The following KCNAB1 variants were observed in gnomAD, a reference collection of about 807,000 sequenced individuals.
KCNAB1 encodes potassium voltage-gated channel subfamily A regulatory beta subunit 1, also known as voltage-gated potassium channel subunit beta-1.
KCNAB1 carries 35 observed loss-of-function variants against 64.6 expected under a neutral mutation model. That is an observed-to-expected ratio of 0.54 (90% CI 0.41 to 0.72). KCNAB1 has a LOEUF of 0.72. Among genes scored for constraint, KCNAB1 ranks in the 30% least tolerant of loss-of-function variants. The pLI is 0.00. For synonymous variants in KCNAB1, 177 were observed against 183.8 expected (o/e 0.96, Z 0.30); for missense variants, 401 against 512.9 (o/e 0.78, Z 2.11).
Position 156,213,910 on chromosome 3 carries a change from C to G in KCNAB1, c.275+93024C>G, listed in dbSNP as rs529386060. Among the ~76,000 whole-genome samples, 8 of 152,242 alleles carry G rather than the reference C, an allele frequency of 5.3e-5. 1 individual carries two copies. In the South Asian group the frequency reaches 1.7e-3, roughly 32 times the overall value. On this transcript the variant is annotated intron_variant, in intron 1 of 13. Transcript: ENST00000490337. ...CTAAGCCATGATTAGAAGCTTGGGACTTTCAGGCCCATCCACTGTCTACCA... is the reference window on the plus strand; with the variant it reads ...CTAAGCCATGATTAGAAGCTTGGGAGTTTCAGGCCCATCCACTGTCTACCA...
At chr3:156,189,066 C>T (rs571643992) in intron 1 of KCNAB1, among the ~76,000 whole-genome samples, 2 of 152,308 alleles carry the variant, frequency 1.3e-5, no homozygotes, top group Middle Eastern at 6.8e-3. Context: ...TGCCCTTCTC[C>T]TGCTCTCTAA....
At position 156,284,177 on chromosome 3, in the gene KCNAB1, C is replaced by T. The variant is rs886261866; in HGVS notation, c.276-137439C>T. On this transcript the variant is annotated intron_variant, in intron 1 of 13. Transcript: ENST00000490337. The stretch of plus-strand genomic sequence containing the variant: ...GTGTCCTTTCTGTTTGTTAGTTTTC[C>T]TTCTAACAGACAGGACCCTCAGCTG... Among the ~76,000 whole-genome samples, 26 of 151,990 alleles carry T rather than the reference C, an allele frequency of 1.7e-4. 2 individuals carry two copies. The highest frequency in any genetic ancestry group is 1.4e-3 in the Admixed American group (21 of 15,276).
intron 1 of KCNAB1, among the ~76,000 whole-genome samples, chr3:156,190,620 G>A (rs984756247): frequency 6.6e-6 from 1 of 152,064 alleles, no homozygotes; most frequent in African/African-American, 2.4e-5. Context: ...CAGTAATACC[G>A]GCCCTGCTGG....
chr3:156,182,835 A>T (rs1385741297), intron 1 of KCNAB1, among the ~76,000 whole-genome samples: 1 of 150,824 alleles, frequency 6.6e-6, no homozygotes, highest in African/African-American at 2.4e-5. Flanking sequence ...AGTAGCTGGG[A>T]TTACAGGCGC....
In KCNAB1 at chr3:156,175,617, C is replaced by CA. The variant is rs1440157459; in HGVS notation, c.275+54737dup. 7.9e-5 allele frequency among the ~76,000 whole-genome samples: 12 copies of CA among 152,236 alleles called. No homozygotes were observed. In the South Asian group the frequency reaches 1.0e-3, roughly 13 times the overall value. On this transcript the variant is annotated intron_variant, in intron 1 of 13. Coordinates refer to ENST00000490337, the MANE Select transcript of KCNAB1 (RefSeq NM_172160.3). ...TGGGTGATAGAGCGAGACTCTGTCT[C>CA]AAAAAACAAAACAAAACAGTTCCTG...
At chr3:156,383,227 A>G (rs1453122601) in intron 1 of KCNAB1, among the ~76,000 whole-genome samples, 1 of 152,170 alleles carries the variant, frequency 6.6e-6, no homozygotes, top group African/African-American at 2.4e-5. Flanking sequence ...GTACATTCCC[A>G]AGGGTCAATT....
intron 1 of KCNAB1, among the ~76,000 whole-genome samples, chr3:156,301,662 C>T (rs1042111023): frequency 6.6e-6 from 1 of 152,192 alleles, no homozygotes; most frequent in Non-Finnish European, 1.5e-5. Context: ...TAAGGTTTCA[C>T]TTTCACTCAA....
intron 1 of KCNAB1, among the ~76,000 whole-genome samples, chr3:156,198,644 A>G (rs1187832457): frequency 4.2e-5 from 3 of 70,608 alleles, no homozygotes; most frequent in African/African-American, 5.9e-5. Context: ...TTTGCTTTCC[A>G]TTTGCTTGGT....
At chr3:156,299,590 G>A (rs918737567) in intron 1 of KCNAB1, among the ~76,000 whole-genome samples, 1 of 152,192 alleles carries the variant, frequency 6.6e-6, no homozygotes, top group African/African-American at 2.4e-5. Context: ...TAACTCTCCT[G>A]TATGCATTTA....
rs139873892 is a variant in KCNAB1 at position 156,146,795 on chromosome 3, C to A, written c.275+25909C>A. Among the ~76,000 whole-genome samples the A allele has an allele frequency of 6.4e-4, 97 of 152,210 alleles. No homozygotes were observed. The East Asian group carries it at 0.016, about 25-fold the overall frequency. On this transcript the variant is annotated intron_variant, in intron 1 of 13. Transcript: ENST00000490337. ...TTGCATATCACAAATCTTATTTTTT[C>A]CTCCAAACCACTAAAAATGTAAAAA...
intron 1 of KCNAB1, among the ~76,000 whole-genome samples, chr3:156,216,733 C>T (rs1715345697): frequency 6.6e-6 from 1 of 152,064 alleles, no homozygotes; most frequent in Non-Finnish European, 1.5e-5. Flanking sequence ...CTTTAAATTC[C>T]CCTACTTTTG....
intron 1 of KCNAB1, among the ~76,000 whole-genome samples, chr3:156,269,471 C>T (rs1718903930): frequency 1.3e-5 from 2 of 152,124 alleles, no homozygotes; most frequent in South Asian, 4.1e-4. Context: ...CATTCTGTAG[C>T]CATTTGATGA....
At chr3:156,386,174 A>C (rs1712573944) in intron 1 of KCNAB1, among the ~76,000 whole-genome samples, 1 of 152,234 alleles carries the variant, frequency 6.6e-6, no homozygotes, top group Non-Finnish European at 1.5e-5. Flanking sequence ...TTAGAACAGA[A>C]AAGAAAAGAT....
intron 1 of KCNAB1, among the ~76,000 whole-genome samples, chr3:156,199,193 C>T (rs1714165857): frequency 6.6e-6 from 1 of 152,104 alleles, no homozygotes; most frequent in Non-Finnish European, 1.5e-5. Flanking sequence ...ATCTGCTATT[C>T]ATCTGATGGG....
intron 1 of KCNAB1, among the ~76,000 whole-genome samples, chr3:156,375,905 C>T (rs1414433819): frequency 6.6e-6 from 1 of 151,894 alleles, no homozygotes; most frequent in Non-Finnish European, 1.5e-5. Context: ...TTGCAACCAT[C>T]CCCTCCTGGG....
intron 1 of KCNAB1, among the ~76,000 whole-genome samples, chr3:156,307,383 G>A (rs1369413280): frequency 2.1e-5 from 3 of 143,344 alleles, no homozygotes; most frequent in African/African-American, 5.3e-5. Context: ...TTTTTTTATT[G>A]TTGGTCTACC....
chr3:156,463,819 C>G, intron 6 of KCNAB1, 73 bp downstream of exon 6: 1 of 1,176,110 alleles, frequency 8.5e-7, no homozygotes, highest in South Asian at 1.4e-5. Context: ...AGTTATTTTA[C>G]ATATAACGTA....
At chr3:156,119,818 C>T (rs115570787), upstream of KCNAB1, among the ~76,000 whole-genome samples, 84 of 152,276 alleles carry the variant, frequency 5.5e-4, no homozygotes, top group African/African-American at 1.9e-3. Flanking sequence ...AACTAGTTTT[C>T]ATGTACACTG....
chr3:156,316,951 C>T (rs1397663232), intron 1 of KCNAB1, among the ~76,000 whole-genome samples: 3 of 152,100 alleles, frequency 2.0e-5, no homozygotes, highest in Non-Finnish European at 2.9e-5. Flanking sequence ...CAAACCCCGT[C>T]TCAGGGTGGA....
Sources: allele counts gnomAD v4.1 joint callset (sites outside exome capture counted in the v4.1 genomes callset), GRCh38; gene constraint gnomAD v4.1.1; transcripts MANE v1.5; gene names NCBI Gene and HGNC (gene_info 2026-07-23, HGNC 2026-07-21).